The following CNTN4 variants were observed in gnomAD, a reference collection of about 807,000 sequenced individuals.
CNTN4 encodes the protein contactin 4, also known as contactin-4.
A neutral mutation model predicts 122.5 loss-of-function variants in CNTN4; 77 were observed. The ratio of observed to expected loss-of-function variants is 0.63; its 90% CI spans 0.52 to 0.76. The LOEUF is 0.76. Ranked by LOEUF, CNTN4 falls within the 30% of genes least tolerant of loss-of-function variation. The pLI is 0.00. For missense variants in CNTN4, 1,256 were observed against 1,259.1 expected, an observed-to-expected ratio of 1.00 and a Z score of 0.04; for synonymous variants, 512 against 447.0, an observed-to-expected ratio of 1.15 and a Z score of -1.83.
At chr3:2,864,196 A>T (rs919191460) in intron 7 of CNTN4, among the ~76,000 whole-genome samples, 39 of 152,194 alleles carry the variant, frequency 2.6e-4, no homozygotes, top group Non-Finnish European at 2.2e-4. Flanking sequence ...CACATTTAAA[A>T]TTGTCCTCAT....
At chr3:2,606,470 C>A (rs1163569985) in intron 4 of CNTN4, among the ~76,000 whole-genome samples, 1 of 152,074 alleles carries the variant, frequency 6.6e-6, no homozygotes, top group Non-Finnish European at 1.5e-5. Context: ...ACCTGCACAT[C>A]CTGCACATGT....
At chr3:2,862,646 T>G (rs1452607153) in intron 7 of CNTN4, among the ~76,000 whole-genome samples, 1 of 152,200 alleles carries the variant, frequency 6.6e-6, no homozygotes, top group Admixed American at 6.5e-5. Context: ...GTGTGAAAAC[T>G]TATCAAAAGA....
intron 6 of CNTN4, among the ~76,000 whole-genome samples, chr3:2,793,999 G>T (rs1404646804): frequency 6.6e-6 from 1 of 152,052 alleles, no homozygotes; most frequent in Non-Finnish European, 1.5e-5. Flanking sequence ...AACATGTACT[G>T]CCATGCATAT....
At chr3:2,208,795 C>T (rs2038478293) in intron 2 of CNTN4, among the ~76,000 whole-genome samples, 1 of 152,096 alleles carries the variant, frequency 6.6e-6, no homozygotes, top group Non-Finnish European at 1.5e-5. Flanking sequence ...TGAGACAAGA[C>T]CCTCTACCAG....
At chr3:2,574,797 T>A (rs1178170480) in intron 4 of CNTN4, among the ~76,000 whole-genome samples, 1 of 152,150 alleles carries the variant, frequency 6.6e-6, no homozygotes, top group Non-Finnish European at 1.5e-5. Context: ...CACTAAAATA[T>A]TAATCTGTGC....
intron 2 of CNTN4, among the ~76,000 whole-genome samples, chr3:2,167,966 C>T (rs78105275): frequency 0.11 from 16,401 of 152,090 alleles, 1,308 homozygotes; most frequent in East Asian, 0.32. Context: ...AGGAAGACTC[C>T]ATCTCTACAA....
rs184466572 is a variant in CNTN4 at position 2,932,239 on chromosome 3, G to A, written c.1358+6460G>A. Among the ~76,000 whole-genome samples, 498 of 152,158 alleles carry A rather than the reference G, an allele frequency of 3.3e-3. 3 individuals carry two copies. The highest frequency in any genetic ancestry group is 5.3e-3 in the Non-Finnish European group (363 of 68,008). Reference sequence around the variant, plus strand: ...AAAAATACAAAAAAATTAGCCGGGCGTGGTGGTGGGCGCCTGTAGTCCCAG... The same window carrying A: ...AAAAATACAAAAAAATTAGCCGGGCATGGTGGTGGGCGCCTGTAGTCCCAG... On this transcript the variant is annotated intron_variant, in intron 13 of 24. Coordinates refer to ENST00000418658, the MANE Select transcript of CNTN4 (RefSeq NM_175607.3).
chr3:2,382,388 C>T (rs1232311496), intron 3 of CNTN4, among the ~76,000 whole-genome samples: 1 of 152,016 alleles, frequency 6.6e-6, no homozygotes, highest in Non-Finnish European at 1.5e-5. Flanking sequence ...AACTCCTGAC[C>T]TCATGATCCA....
chr3:2,673,154 A>G (rs1233217131), intron 4 of CNTN4, among the ~76,000 whole-genome samples: 2 of 152,150 alleles, frequency 1.3e-5, no homozygotes, highest in South Asian at 2.1e-4. Context: ...TGGTCAAACT[A>G]TTTGGGTTTA....
intron 4 of CNTN4, among the ~76,000 whole-genome samples, chr3:2,613,479 G>T (rs1020396179): frequency 1.3e-5 from 2 of 152,060 alleles, no homozygotes; most frequent in Non-Finnish European, 2.9e-5. Context: ...TGATTAGGTA[G>T]GTGCTGCAAC....
chr3:2,393,767 G>A (rs574587201), intron 3 of CNTN4, among the ~76,000 whole-genome samples: 1 of 152,188 alleles, frequency 6.6e-6, no homozygotes, highest in African/African-American at 2.4e-5. Context: ...AGATAGGAAA[G>A]AATCATTGTA....
intron 3 of CNTN4, among the ~76,000 whole-genome samples, chr3:2,492,293 C>T (rs1345680252): frequency 6.6e-6 from 1 of 152,134 alleles, no homozygotes; most frequent in East Asian, 1.9e-4. Flanking sequence ...GCCCTTCCTT[C>T]TAAACGTGTC....
intron 3 of CNTN4, among the ~76,000 whole-genome samples, chr3:2,489,108 TG>T (rs2076243905): frequency 6.6e-6 from 1 of 152,230 alleles, no homozygotes; most frequent in African/African-American, 2.4e-5. Flanking sequence ...CACATTAGCA[TG>T]TATTGACTCA....
At chr3:2,136,282 C>T (rs955907026) in intron 2 of CNTN4, among the ~76,000 whole-genome samples, 1 of 152,176 alleles carries the variant, frequency 6.6e-6, no homozygotes, top group Non-Finnish European at 1.5e-5. Context: ...GAAGCTGTAC[C>T]TGAAGCTAGG....
intron 12 of CNTN4, among the ~76,000 whole-genome samples, chr3:2,923,695 G>C (rs2094448721): frequency 1.3e-5 from 2 of 152,022 alleles, no homozygotes; most frequent in African/African-American, 4.8e-5. Flanking sequence ...CTTCCATCAA[G>C]CTACCTTCTC....
chr3:2,215,883 CAAAAAAAA>C (rs869205172), intron 2 of CNTN4, among the ~76,000 whole-genome samples: 5 of 60,258 alleles, frequency 8.3e-5, no homozygotes, highest in South Asian at 1.8e-3. Context: ...GCCTCTGTCT[CAAAAAAAA>C]AAAAAAAAAA....
At chr3:3,024,837 C>G (rs1406185361) in intron 14 of CNTN4, among the ~76,000 whole-genome samples, 1 of 152,130 alleles carries the variant, frequency 6.6e-6, no homozygotes, top group African/African-American at 2.4e-5. Flanking sequence ...ACAAAATTCC[C>G]AGCGGATATT....
At chr3:3,014,826 T>A (rs1697586188) in intron 14 of CNTN4, among the ~76,000 whole-genome samples, 1 of 151,718 alleles carries the variant, frequency 6.6e-6, no homozygotes, top group Non-Finnish European at 1.5e-5. Context: ...TGTAAACATC[T>A]CTCTGAAAAT....
chr3:2,825,632 T>A (rs937941341), intron 7 of CNTN4, among the ~76,000 whole-genome samples: 33 of 152,164 alleles, frequency 2.2e-4, no homozygotes, highest in Non-Finnish European at 2.5e-4. Context: ...AAGGCTGCAG[T>A]GAGCTATGAT....
Sources: gnomAD v4.1 joint callset for allele counts (sites outside exome capture counted in the v4.1 genomes callset) on GRCh38, gnomAD v4.1.1 for gene constraint, MANE v1.5 for transcripts, NCBI Gene and HGNC (gene_info 2026-07-23, HGNC 2026-07-21) for gene names.